The following CD33 variants were observed in gnomAD, a reference collection of about 807,000 sequenced individuals.
The protein encoded by CD33 is CD33 molecule, also known as myeloid cell surface antigen CD33.
CD33 carries 25 observed loss-of-function variants against 31.4 expected under a neutral mutation model. The ratio of observed to expected loss-of-function variants is 0.80; its 90% CI spans 0.58 to 1.11. CD33 has a LOEUF of 1.11. Ranked by LOEUF, CD33 falls within the 50% of genes most tolerant of loss-of-function variation. The pLI is 0.00. For missense variants in CD33, 407 were observed against 448.1 expected (o/e 0.91, Z 0.83); for synonymous variants, 176 against 180.6 (o/e 0.97, Z 0.20).
In CD33 at chr19:51,227,883, A is replaced by G. The variant is rs573035329; in HGVS notation, c.745+1527A>G. Among the ~76,000 whole-genome samples, 3 of 152,112 alleles carry G rather than the reference A, an allele frequency of 2.0e-5. No individual in the cohort carries two copies. In the South Asian group the frequency reaches 6.2e-4, roughly 32 times the overall value. On this transcript the variant is annotated intron_variant, in intron 4 of 6. Transcript: ENST00000262262. The stretch of plus-strand genomic sequence containing the variant: ...TATTCAGGTCTTTGATCCATTTTGA[A>G]TTGATTTTTGTATAGGACGAGAGGT...
At chr19:51,229,603 C>A (rs1022182397) in intron 4 of CD33, among the ~76,000 whole-genome samples, 4 of 151,872 alleles carry the variant, frequency 2.6e-5, no homozygotes, top group South Asian at 2.1e-4. Context: ...GTTTTCTATA[C>A]CTTCTTGATT....
At chr19:51,214,649 G>A in the CD33 span, among the ~76,000 whole-genome samples, 1 of 152,048 alleles carries the variant, frequency 6.6e-6, no homozygotes, top group Non-Finnish European at 1.5e-5. Flanking sequence ...TTTTATTTAA[G>A]TCCTTTGTCC....
the CD33 span, among the ~76,000 whole-genome samples, chr19:51,214,649 G>C: frequency 6.6e-6 from 1 of 152,048 alleles, no homozygotes; most frequent in Admixed American, 6.5e-5. Flanking sequence ...TTTTATTTAA[G>C]TCCTTTGTCC....
At chr19:51,235,572 AAG>A in intron 5 of CD33, 21 bp from the exon 6 acceptor site, 1 of 1,607,098 alleles carries the variant, frequency 6.2e-7, no homozygotes, top group East Asian at 2.2e-5. Context: ...ACCAGGCTCA[AAG>A]ACCCTGGTGT....
the CD33 span, chr19:51,211,089 G>A: frequency 1.9e-4 from 284 of 1,512,432 alleles, 3 homozygotes; most frequent in South Asian, 2.1e-3. Flanking sequence ...CAGGAAGCCC[G>A]GGAAGCCTCT....
intron 4 of CD33, among the ~76,000 whole-genome samples, chr19:51,228,496 G>A (rs1981187413): frequency 6.6e-6 from 1 of 152,042 alleles, no homozygotes; most frequent in Non-Finnish European, 1.5e-5. Context: ...TTTATTCCTA[G>A]GTATACTTCA....
intron 6 of CD33, chr19:51,236,801 C>T (rs1568437152): frequency 6.6e-6 from 1 of 152,288 alleles, no homozygotes; most frequent in Non-Finnish European, 1.5e-5. Flanking sequence ...CACGGCTTAA[C>T]ACAACCACTC....
rs1368347663 is a variant in CD33, at chr19:51,235,201, G to A, written c.790G>A (p.Gly264Arg). Residue 264 changes from glycine (G) to arginine (R), a missense_variant, in exon 5 of 7, where the codon GGA becomes AGA. Transcript: ENST00000262262. ...AGGAGTGGTTCATGGGGCCATTGGA[G>A]GAGCTGGTGTTACAGCCCTGCTCGC... ...RAGVVHGAIG[G>R]AGVTALLALC... is the part of the protein sequence containing the mutation. The A allele has an allele frequency of 6.2e-7, 1 of 1,614,194 alleles. No homozygotes were observed. The highest frequency in any genetic ancestry group is 1.7e-5 in the Admixed American group (1 of 60,026).
chr19:51,225,772 T>C, intron 2 of CD33, 31 bp from the exon 3 acceptor site: 2 of 1,601,052 alleles, frequency 1.2e-6, no homozygotes, highest in East Asian at 4.5e-5. Flanking sequence ...CCCTCCCTCC[T>C]GATTCTGCAT....
the CD33 span, among the ~76,000 whole-genome samples, chr19:51,214,345 ATG>A: frequency 6.6e-6 from 1 of 151,578 alleles, no homozygotes; most frequent in Admixed American, 6.6e-5. Context: ...TTACAGGCAC[ATG>A]CCAGCATGCC....
chr19:51,215,104 C>G, the CD33 span, among the ~76,000 whole-genome samples: 1 of 152,290 alleles, frequency 6.6e-6, no homozygotes, highest in Non-Finnish European at 1.5e-5. Flanking sequence ...GCTTCTCTGC[C>G]TCTGCCTCAC....
chr19:51,232,402 T>C (rs1568434905), intron 4 of CD33, among the ~76,000 whole-genome samples: 1 of 152,196 alleles, frequency 6.6e-6, no homozygotes, highest in Non-Finnish European at 1.5e-5. Flanking sequence ...GGGTTGAATA[T>C]TTTGAGAGTA....
At chr19:51,228,513 TA>T (rs1356197179) in intron 4 of CD33, among the ~76,000 whole-genome samples, 3 of 152,248 alleles carry the variant, frequency 2.0e-5, no homozygotes, top group African/African-American at 7.2e-5. Context: ...TTCATTCTCT[TA>T]TAGCTATTGT....
intron 4 of CD33, among the ~76,000 whole-genome samples, chr19:51,229,278 G>A (rs1203693895): frequency 6.6e-6 from 1 of 152,108 alleles, no homozygotes; most frequent in East Asian, 1.9e-4. Context: ...TTGATGTATT[G>A]TTGGATTTGA....
chr19:51,227,106 T>C (rs1981091901), intron 4 of CD33, among the ~76,000 whole-genome samples: 2 of 152,172 alleles, frequency 1.3e-5, no homozygotes, highest in African/African-American at 2.4e-5. Context: ...ACATTTCCTT[T>C]ATTTATTCAT....
In CD33 at chr19:51,225,460, G is replaced by A; in HGVS notation, c.280G>A (p.Gly94Arg). 6.2e-7 allele frequency: 1 copy of A among 1,614,034 alleles called. No individual in the cohort carries two copies. The highest frequency in any genetic ancestry group is 8.5e-7 in the Non-Finnish European group (1 of 1,179,934). The change falls in exon 2 of 7, where the codon GGG becomes AGG. Residue 94 changes from glycine to arginine, a missense_variant. Physicochemically the swap from Gly to Arg is moderately radical, Grantham distance 125. Transcript: ENST00000262262. Reference protein sequence around the residue: ...EETQGRFRLLGDPSRNNCSLS... With the variant: ...EETQGRFRLLRDPSRNNCSLS... ...GACTCAGGGCAGATTCCGCCTCCTT[G>A]GGGATCCCAGTAGGAACAACTGCTC...
chr19:51,214,403 G>A, the CD33 span, among the ~76,000 whole-genome samples: 15 of 150,502 alleles, frequency 1.0e-4, no homozygotes, highest in East Asian at 2.4e-3. Flanking sequence ...TCACCATGTT[G>A]GTCAGGCTGG....
intron 4 of CD33, among the ~76,000 whole-genome samples, chr19:51,231,850 C>T (rs1981450686): frequency 6.6e-6 from 1 of 152,072 alleles, no homozygotes; most frequent in Non-Finnish European, 1.5e-5. Context: ...TCTCGACCTC[C>T]TGGGCTTAAG....
chr19:51,226,513 C>G (rs1213793549), intron 4 of CD33, among the ~76,000 whole-genome samples, 157 bp downstream of exon 4: 1 of 152,166 alleles, frequency 6.6e-6, no homozygotes, highest in Non-Finnish European at 1.5e-5. Context: ...TTGGGGATGA[C>G]TAGCAACTTC....
Sources: allele counts gnomAD v4.1 joint callset (sites outside exome capture counted in the v4.1 genomes callset), GRCh38; gene constraint gnomAD v4.1.1; transcripts MANE v1.5; gene names NCBI Gene and HGNC (gene_info 2026-07-23, HGNC 2026-07-21).